The following PDCD11 variants were observed in gnomAD, a reference collection of about 807,000 sequenced individuals.
PDCD11 encodes protein RRP5 homolog.
Under a neutral mutation model 198.9 loss-of-function variants are expected in PDCD11, and 97 were observed. The observed-to-expected ratio is 0.49, with a 90% CI of 0.41 to 0.58. The LOEUF is 0.58. Among genes scored for constraint, PDCD11 ranks in the 20% least tolerant of loss-of-function variants. PDCD11 has a pLI of 0.00. For missense variants in PDCD11, 2,102 were observed against 2,312.7 expected (o/e 0.91, Z 1.87); for synonymous variants, 893 against 918.0 (o/e 0.97, Z 0.49).
In PDCD11 at chr10:103,418,510, G is replaced by A. The variant is rs765200360; in HGVS notation, c.1982G>A (p.Arg661His). 12 of 1,614,048 alleles carry A rather than the reference G, an allele frequency of 7.4e-6. No homozygotes were observed. The highest frequency in any genetic ancestry group is 5.0e-5 in the Admixed American group (3 of 60,004). Residue 661 changes from arginine (R) to histidine (H), a missense_variant, in exon 15 of 36, where the codon CGT becomes CAT. Transcript: ENST00000369797. ...LEVAVLPHNI[R>H]AFLPTSHLSD... Reference sequence around the variant, plus strand: ...GTGGCTGTCCTGCCCCACAACATCCGTGCTTTCCTCCCCACATCTCATCTG... The same window carrying A: ...GTGGCTGTCCTGCCCCACAACATCCATGCTTTCCTCCCCACATCTCATCTG...
At chr10:103,405,476 C>T in intron 5 of PDCD11, 1 of 262,432 alleles carries the variant, frequency 3.8e-6, no homozygotes, top group Non-Finnish European at 7.3e-6. Flanking sequence ...ATGATCTCGG[C>T]TCACCACAGC....
chr10:103,408,585 G>A (rs2030604136), intron 7 of PDCD11, among the ~76,000 whole-genome samples: 2 of 151,778 alleles, frequency 1.3e-5, no homozygotes, highest in South Asian at 4.2e-4. Flanking sequence ...CTGTCACCTA[G>A]GCTGGAGTGC....
At chr10:103,406,506 G>A (rs1187271138) in intron 6 of PDCD11, 103 bp from the exon 7 acceptor site, 2 of 973,272 alleles carry the variant, frequency 2.1e-6, no homozygotes, top group East Asian at 2.5e-5. Flanking sequence ...GATGCTAACT[G>A]GGCAGGTAGG....
At chr10:103,441,793 G>T in intron 30 of PDCD11, 33 bp from the exon 31 acceptor site, 1 of 1,604,828 alleles carries the variant, frequency 6.2e-7, no homozygotes, top group South Asian at 1.1e-5. Flanking sequence ...GCCTGAGCCA[G>T]GTGCTTTCTT....
At chr10:103,406,129 C>T in intron 6 of PDCD11, 21 bp downstream of exon 6, 1 of 1,613,336 alleles carries the variant, frequency 6.2e-7, no homozygotes, top group Non-Finnish European at 8.5e-7. Flanking sequence ...GAAAAGGGGC[C>T]AGTACATGGT....
At chr10:103,435,701 C>G (rs939804537) in intron 25 of PDCD11, among the ~76,000 whole-genome samples, 1 of 152,164 alleles carries the variant, frequency 6.6e-6, no homozygotes, top group Non-Finnish European at 1.5e-5. Flanking sequence ...TTAGTAGAGA[C>G]TAGGTTTCGC....
Position 103,403,137 on chromosome 10 carries a change from G to C in PDCD11, c.254G>C (p.Arg85Pro), listed in dbSNP as rs749256744. ...LSVESLCEGM[R>P]ILGCVKEVNE... is the part of the protein sequence containing the mutation. ...TTCTAGTCCCTGTGTGAGGGAATGC[G>C]TATTTTGGGTTGCGTGAAAGAGGTG... Residue 85 changes from arginine (R) to proline (P), a missense_variant, in exon 4 of 36, where the codon CGT becomes CCT. Arg to Pro is a moderately radical substitution (Grantham distance 103, BLOSUM62 -2). Coordinates refer to ENST00000369797, the MANE Select transcript of PDCD11 (RefSeq NM_014976.2). 5 of 1,614,048 alleles carry C rather than the reference G, an allele frequency of 3.1e-6. No individual in the cohort carries two copies. The highest frequency in any genetic ancestry group is 4.2e-6 in the Non-Finnish European group (5 of 1,179,954).
chr10:103,408,329 G>C (rs1030365767), intron 7 of PDCD11, among the ~76,000 whole-genome samples: 2 of 151,962 alleles, frequency 1.3e-5, no homozygotes, highest in African/African-American at 4.8e-5. Context: ...TTGGTCCCAT[G>C]TATTCTTCTT....
At position 103,445,430 on chromosome 10, in the gene PDCD11, T is replaced by G; in HGVS notation, c.5497T>G (p.Phe1833Val). 6.2e-7 allele frequency: 1 copy of G among 1,614,140 alleles called. No individual in the cohort carries two copies. The highest frequency in any genetic ancestry group is 8.5e-7 in the Non-Finnish European group (1 of 1,180,006). ...HLSLAPKRMK[F>V]FFKRYLDYEK... ...GAGCTTGGCCCCCAAGAGAATGAAG[T>G]TCTTCTTCAAGCGCTACCTGGACTA... The change falls in exon 36 of 36, where the codon TTC becomes GTC. Residue 1833 changes from phenylalanine (F) to valine (V), a missense_variant. Transcript: ENST00000369797.
intron 11 of PDCD11, 135 bp downstream of exon 11, chr10:103,414,465 A>G (rs530310300): frequency 2.7e-4 from 177 of 645,190 alleles, no homozygotes; most frequent in Non-Finnish European, 2.8e-4. Flanking sequence ...CCTGCTGACT[A>G]GAATTTCTTT....
intron 1 of PDCD11, among the ~76,000 whole-genome samples, chr10:103,397,875 A>G (rs920945447): frequency 1.3e-5 from 2 of 152,194 alleles, no homozygotes; most frequent in African/African-American, 4.8e-5. Context: ...GGCTTTTCCC[A>G]TCCATGTCTT....
chr10:103,445,486 G>A lies in PDCD11; in HGVS notation c.5553G>A (p.Val1851=), dbSNP rs371657618. The A allele has an allele frequency of 1.2e-6, 2 of 1,614,186 alleles. No homozygotes were observed. The highest frequency in any genetic ancestry group is 8.5e-7 in the Non-Finnish European group (1 of 1,180,036). The change falls in exon 36 of 36, where the codon GTG becomes GTA. Residue 1851 remains valine (V), a synonymous_variant. Coordinates refer to ENST00000369797, the MANE Select transcript of PDCD11 (RefSeq NM_014976.2). ...YEKQHGTEKD[V]QAVKAKALEY... is the part of the protein sequence containing the mutation. ...AGCAGCATGGCACTGAGAAGGATGT[G>A]CAGGCAGTCAAGGCCAAGGCCCTGG...
At chr10:103,438,953 C>G in intron 27 of PDCD11, 145 bp downstream of exon 27, 1 of 793,728 alleles carries the variant, frequency 1.3e-6, no homozygotes. Context: ...TTTTAAAATT[C>G]CAAGTTTTCT....
At chr10:103,434,495 T>G (rs2032068322) in intron 24 of PDCD11, 145 bp downstream of exon 24, 6 of 632,022 alleles carry the variant, frequency 9.5e-6, no homozygotes, top group Non-Finnish European at 1.7e-5. Context: ...GGAACAGTTT[T>G]TCTCTTGGGC....
At chr10:103,397,939 C>G (rs1280292536) in intron 1 of PDCD11, among the ~76,000 whole-genome samples, 1 of 152,318 alleles carries the variant, frequency 6.6e-6, no homozygotes, top group East Asian at 1.9e-4. Context: ...TACCCTTAAG[C>G]TAAAAAAGAT....
intron 19 of PDCD11, among the ~76,000 whole-genome samples, chr10:103,424,539 A>G (rs1248944468): frequency 6.6e-6 from 1 of 152,218 alleles, no homozygotes; most frequent in Non-Finnish European, 1.5e-5. Context: ...CTTGCACACA[A>G]TAAGCTCTCA....
intron 31 of PDCD11, 101 bp downstream of exon 31, chr10:103,442,076 AG>A (rs2032407898): frequency 1.9e-6 from 3 of 1,551,312 alleles, no homozygotes; most frequent in Non-Finnish European, 2.6e-6. Flanking sequence ...TGAGTGGGGG[AG>A]GGGGCAGCGG....
chr10:103,404,415 C>T (rs1267806910), intron 4 of PDCD11, among the ~76,000 whole-genome samples: 1 of 152,150 alleles, frequency 6.6e-6, no homozygotes, highest in African/African-American at 2.4e-5. Context: ...TCTCCTGCCT[C>T]AGCCTCCTGA....
At chr10:103,437,869 T>C (rs976851349) in intron 25 of PDCD11, 146 bp from the exon 26 acceptor site, 1 of 650,146 alleles carries the variant, frequency 1.5e-6, no homozygotes, top group African/African-American at 1.8e-5. Flanking sequence ...CCTCAGCAGG[T>C]TTTCAACAGA....
Sources: gnomAD v4.1 joint callset for allele counts (sites outside exome capture counted in the v4.1 genomes callset) on GRCh38, gnomAD v4.1.1 for gene constraint, MANE v1.5 for transcripts, NCBI Gene and HGNC (gene_info 2026-07-23, HGNC 2026-07-21) for gene names.